Variants in DZIP3 observed in about 807,000 individuals in gnomAD.
The protein encoded by DZIP3 is DAZ interacting zinc finger protein 3, also known as E3 ubiquitin-protein ligase DZIP3.
DZIP3 carries 118 observed loss-of-function variants against 162.0 expected under a neutral mutation model. That is an observed-to-expected ratio of 0.73 (90% CI 0.63 to 0.85). The LOEUF (loss-of-function observed/expected upper bound fraction) is 0.85, where lower values mean the gene tolerates loss of function less well. DZIP3 is among the 40% of genes least tolerant of loss of function. The pLI is 0.00. For synonymous variants in DZIP3, 438 were observed against 458.6 expected, an observed-to-expected ratio of 0.96 and a Z score of 0.57; for missense variants, 1,331 against 1,407.0, an observed-to-expected ratio of 0.95 and a Z score of 0.86.
At chr3:108,643,850 A>G (rs537027990) in intron 13 of DZIP3, among the ~76,000 whole-genome samples, 278 of 152,214 alleles carry the variant, frequency 1.8e-3, no homozygotes, top group African/African-American at 6.4e-3. Context: ...CAGAATTTTT[A>G]AAGACCTAAT....
intron 32 of DZIP3, among the ~76,000 whole-genome samples, chr3:108,691,848 G>T (rs906466661): frequency 1.5e-4 from 23 of 152,084 alleles, no homozygotes; most frequent in African/African-American, 5.6e-4. Flanking sequence ...CTTATCTTCT[G>T]TTTGTTCTCC....
Position 108,611,357 on chromosome 3 carries a change from A to G in DZIP3, c.258+28A>G, listed in dbSNP as rs760070393. 4 of 1,609,570 alleles carry G rather than the reference A, an allele frequency of 2.5e-6. No homozygotes were observed. In the African/African-American group the frequency reaches 5.4e-5, roughly 22 times the overall value. On this transcript the variant is annotated intron_variant, in intron 4 of 32. Coordinates refer to ENST00000361582, the MANE Select transcript of DZIP3 (RefSeq NM_014648.4). ...AACGTCATAAGTTGTTATTTGGGGC[A>G]GAAGTGCAGCTGTCTGTATATGACT...
intron 28 of DZIP3, among the ~76,000 whole-genome samples, chr3:108,687,338 A>C (rs1576475151): frequency 1.3e-5 from 2 of 152,158 alleles, no homozygotes; most frequent in East Asian, 3.8e-4. Flanking sequence ...TGATGACATG[A>C]CACTTCATTT....
intron 4 of DZIP3, among the ~76,000 whole-genome samples, chr3:108,614,542 C>A (rs1048231871): frequency 6.6e-6 from 1 of 152,152 alleles, no homozygotes; most frequent in Non-Finnish European, 1.5e-5. Flanking sequence ...CATTGCCCCC[C>A]CATACCAATT....
intron 19 of DZIP3, among the ~76,000 whole-genome samples, chr3:108,657,839 C>A (rs1156315500): frequency 6.6e-6 from 1 of 152,106 alleles, no homozygotes; most frequent in Non-Finnish European, 1.5e-5. Context: ...GGGTTGCAAT[C>A]CTAGTCTCTG....
At chr3:108,619,668 ACC>A (rs1259084314) in intron 5 of DZIP3, among the ~76,000 whole-genome samples, 1 of 152,118 alleles carries the variant, frequency 6.6e-6, no homozygotes, top group Non-Finnish European at 1.5e-5. Flanking sequence ...GATGATGCCC[ACC>A]TACATTGGAG....
At chr3:108,610,640 A>G (rs1940652933) in intron 3 of DZIP3, among the ~76,000 whole-genome samples, 1 of 152,236 alleles carries the variant, frequency 6.6e-6, no homozygotes, top group Admixed American at 6.5e-5. Context: ...AAGGAAGGCC[A>G]TCATCCATCT....
At chr3:108,605,097 TGTG>T (rs1365127071) in intron 1 of DZIP3, among the ~76,000 whole-genome samples, 1 of 152,008 alleles carries the variant, frequency 6.6e-6, no homozygotes, top group Non-Finnish European at 1.5e-5. Flanking sequence ...TGGTGAAAAA[TGTG>T]GGGTAGAACA....
intron 12 of DZIP3, among the ~76,000 whole-genome samples, chr3:108,640,225 A>T (rs1942328545): frequency 6.6e-6 from 1 of 152,222 alleles, no homozygotes; most frequent in Non-Finnish European, 1.5e-5. Context: ...ACATTAGATG[A>T]AATTAGTTTA....
At chr3:108,662,289 C>G (rs1943474322) in intron 21 of DZIP3, 32 bp downstream of exon 21, 1 of 1,562,796 alleles carries the variant, frequency 6.4e-7, no homozygotes. Flanking sequence ...AAGGGAAATT[C>G]TGCGCCGTAA....
intron 14 of DZIP3, 141 bp from the exon 15 acceptor site, chr3:108,646,476 T>G (rs1369927654): frequency 1.5e-6 from 1 of 665,530 alleles, no homozygotes; most frequent in African/African-American, 1.9e-5. Context: ...TAAACTGGAT[T>G]GATGAGCAAA....
intron 17 of DZIP3, among the ~76,000 whole-genome samples, chr3:108,649,613 A>G (rs777547558): frequency 1.8e-4 from 27 of 151,862 alleles, no homozygotes; most frequent in Non-Finnish European, 3.1e-4. Flanking sequence ...AGCCTGAAAA[A>G]TATATTTAAA....
chr3:108,616,676 G>T lies in DZIP3; in HGVS notation c.375+19G>T, dbSNP rs753896992. Reference sequence around the variant, plus strand: ...TTATACCGTAAGTGTTTTCTTTTTGGAAATTTGATATAATGGACTTGGTCA... The same window carrying T: ...TTATACCGTAAGTGTTTTCTTTTTGTAAATTTGATATAATGGACTTGGTCA... On this transcript the variant is annotated intron_variant, in intron 5 of 32. Coordinates refer to ENST00000361582, the MANE Select transcript of DZIP3 (RefSeq NM_014648.4). The T allele has an allele frequency of 2.6e-6, 4 of 1,517,900 alleles. No individual in the cohort carries two copies. Among genetic ancestry groups the T allele is most frequent in the Non-Finnish European group, 3.6e-6 (4 of 1,114,226 alleles). The allele number at this position is 1,517,900 out of a possible 1,614,324, so 94.0% of individuals were successfully genotyped here.
intron 1 of DZIP3, among the ~76,000 whole-genome samples, chr3:108,604,061 T>A (rs1456337685): frequency 6.6e-6 from 1 of 152,204 alleles, no homozygotes; most frequent in African/African-American, 2.4e-5. Context: ...AATAAGTGAC[T>A]TACAGTTGAT....
intron 1 of DZIP3, among the ~76,000 whole-genome samples, chr3:108,596,676 C>T (rs979810245): frequency 1.3e-5 from 2 of 152,146 alleles, no homozygotes; most frequent in African/African-American, 4.8e-5. Context: ...TTACATCTGC[C>T]TTCAGAGGCC....
chr3:108,664,067 C>T (rs1943566752), intron 21 of DZIP3, among the ~76,000 whole-genome samples: 1 of 152,174 alleles, frequency 6.6e-6, no homozygotes, highest in Non-Finnish European at 1.5e-5. Context: ...AGCATAGGAA[C>T]ACTCTAGAAG....
chr3:108,621,140 G>A (rs1941314104), intron 5 of DZIP3, among the ~76,000 whole-genome samples: 1 of 152,026 alleles, frequency 6.6e-6, no homozygotes, highest in African/African-American at 2.4e-5. Context: ...TATTTTTAAA[G>A]GTGGATGGTA....
intron 21 of DZIP3, among the ~76,000 whole-genome samples, chr3:108,664,331 T>C (rs1472106828): frequency 6.6e-6 from 1 of 152,208 alleles, no homozygotes; most frequent in Middle Eastern, 3.2e-3. Context: ...ACACCACCCC[T>C]TGGAAGTAGG....
chr3:108,653,507 G>GTGTA lies in DZIP3; in HGVS notation c.2034-637_2034-636insGTAT, dbSNP rs1273159630. Among the ~76,000 whole-genome samples the GTGTA allele has an allele frequency of 7.6e-4, 80 of 104,604 alleles. 1 individual carries two copies. The highest frequency in any genetic ancestry group is 1.9e-3 in the South Asian group (6 of 3,082). The allele number at this position is 104,604 out of a possible 152,430, so 68.6% of individuals were successfully genotyped here. A position where few individuals can be genotyped will look rare whatever the true frequency, so the allele number is the denominator to read the frequency against. On this transcript the variant is annotated intron_variant, in intron 18 of 32. Transcript: ENST00000361582. ...TGGTTAATTGCCATTGTGTGTGTGT[G>GTGTA]TATATATATATATATATATATATAT...
Sources: allele counts gnomAD v4.1 joint callset (sites outside exome capture counted in the v4.1 genomes callset), GRCh38; gene constraint gnomAD v4.1.1; transcripts MANE v1.5; gene names NCBI Gene and HGNC (gene_info 2026-07-23, HGNC 2026-07-21).